Variants in WWOX observed in about 807,000 individuals in gnomAD.
WWOX encodes the protein WW domain-containing oxidoreductase.
Under a neutral mutation model 46.2 loss-of-function variants are expected in WWOX, and 69 were observed. The observed-to-expected ratio is 1.49, with a 90% CI of 1.23 to 1.82. The LOEUF (loss-of-function observed/expected upper bound fraction) is 1.82, where lower values mean the gene tolerates loss of function less well. Among genes scored for constraint, WWOX ranks in the 40% most tolerant of loss-of-function variants. WWOX has a pLI of 0.00. For synonymous variants in WWOX, 359 were observed against 202.6 expected, an observed-to-expected ratio of 1.77 and a Z score of -6.56; for missense variants, 919 against 542.6, an observed-to-expected ratio of 1.69 and a Z score of -6.89.
At chr16:78,419,704 A>G (rs147535071) in intron 6 of WWOX, among the ~76,000 whole-genome samples, 5 of 151,568 alleles carry the variant, frequency 3.3e-5, no homozygotes, top group African/African-American at 9.7e-5. Context: ...AGAAGCAAAC[A>G]TAGGGGTATA....
rs547446021 is a variant in WWOX at position 79,168,951 on chromosome 16, G to T, written c.1057-42657G>T. Among the ~76,000 whole-genome samples, 6 of 152,268 alleles carry T rather than the reference G, an allele frequency of 3.9e-5. No individual in the cohort carries two copies. In the South Asian group the frequency reaches 1.2e-3, roughly 32 times the overall value. On this transcript the variant is annotated intron_variant, in intron 8 of 8. Transcript: ENST00000566780. ...TTCCTTATACAAACTATCTCACTTT[G>T]AAAACTGGCCCACTGTAAAAATCTT...
intron 8 of WWOX, among the ~76,000 whole-genome samples, chr16:78,948,327 C>G (rs1335992655): frequency 2.0e-5 from 3 of 152,160 alleles, no homozygotes; most frequent in Non-Finnish European, 4.4e-5. Context: ...TCTTGTCTCC[C>G]TTTTAGAAGT....
intron 4 of WWOX, among the ~76,000 whole-genome samples, chr16:78,147,336 A>G (rs1337228575): frequency 2.6e-5 from 4 of 152,064 alleles, no homozygotes; most frequent in Non-Finnish European, 5.9e-5. Context: ...GAGTTGGAGG[A>G]GTCATTGATT....
chr16:79,036,928 G>A (rs886403008), intron 8 of WWOX, among the ~76,000 whole-genome samples: 9 of 152,176 alleles, frequency 5.9e-5, no homozygotes, highest in East Asian at 1.9e-4. Flanking sequence ...CTGAAGATAC[G>A]TATTTCTCAG....
chr16:78,361,591 C>A (rs1282044129), intron 5 of WWOX, among the ~76,000 whole-genome samples: 2 of 151,872 alleles, frequency 1.3e-5, no homozygotes, highest in East Asian at 1.9e-4. Context: ...AAGAGCTATC[C>A]CTTCTCCCCC....
chr16:78,324,667 A>G (rs1025396940), intron 5 of WWOX, among the ~76,000 whole-genome samples: 25 of 152,050 alleles, frequency 1.6e-4, no homozygotes, highest in African/African-American at 6.0e-4. Flanking sequence ...ACATGAGGCT[A>G]AGTGAAAGAA....
intron 7 of WWOX, 53 bp from the exon 8 acceptor site, chr16:78,432,435 C>T (rs540040008): frequency 6.2e-6 from 10 of 1,603,504 alleles, no homozygotes; most frequent in Non-Finnish European, 8.5e-6. Flanking sequence ...AAATAAAAAG[C>T]TGTGTGGGAA....
chr16:78,576,523 G>A, intron 8 of WWOX, among the ~76,000 whole-genome samples: 1 of 152,140 alleles, frequency 6.6e-6, no homozygotes, highest in East Asian at 1.9e-4. Context: ...GCACAACCAT[G>A]AAAGCAGTGA....
At chr16:78,199,262 C>T (rs1440566919) in intron 5 of WWOX, among the ~76,000 whole-genome samples, 1 of 151,908 alleles carries the variant, frequency 6.6e-6, no homozygotes, top group Non-Finnish European at 1.5e-5. Context: ...GCAGTGAGCC[C>T]AGATCGCACC....
In WWOX at chr16:78,327,941, A is replaced by G. The variant is rs191224692; in HGVS notation, c.517-58919A>G. Among the ~76,000 whole-genome samples, 42 of 138,060 alleles carry G rather than the reference A, an allele frequency of 3.0e-4. 1 individual carries two copies. The highest frequency in any genetic ancestry group is 7.2e-4 in the African/African-American group (26 of 35,954). 90.6% of individuals were successfully genotyped at this position (138,060 alleles called of 152,430 possible). ...GCCCAGGCTGGAGTACAGTTGTACAATCTTGGCTCATGGCAACCTCAAACT... is the reference window on the plus strand; with the variant it reads ...GCCCAGGCTGGAGTACAGTTGTACAGTCTTGGCTCATGGCAACCTCAAACT... On this transcript the variant is annotated intron_variant, in intron 5 of 8. Transcript: ENST00000566780.
chr16:78,555,334 C>A lies in WWOX; in HGVS notation c.1056+122582C>A, dbSNP rs920188813. 4.9e-4 allele frequency among the ~76,000 whole-genome samples: 75 copies of A among 152,206 alleles called. 1 individual carries two copies. The highest frequency in any genetic ancestry group is 1.8e-3 in the African/African-American group (73 of 41,506). ...CTTTTTTATTCTAATACTCACATTT[C>A]CCAAAACATATCCTTAATATTGTAC... On this transcript the variant is annotated intron_variant, in intron 8 of 8. Transcript: ENST00000566780.
intron 8 of WWOX, among the ~76,000 whole-genome samples, chr16:78,476,993 G>C (rs2151441039): frequency 6.6e-6 from 1 of 151,632 alleles, no homozygotes; most frequent in South Asian, 2.1e-4. Context: ...AATACGATGG[G>C]ATTGTGTCTG....
intron 8 of WWOX, among the ~76,000 whole-genome samples, chr16:78,926,641 T>C (rs2045505099): frequency 6.6e-6 from 1 of 152,160 alleles, no homozygotes; most frequent in African/African-American, 2.4e-5. Context: ...GTGCTGATCT[T>C]TGGGCAGCAT....
At chr16:78,239,566 G>A (rs563281527) in intron 5 of WWOX, among the ~76,000 whole-genome samples, 21 of 152,090 alleles carry the variant, frequency 1.4e-4, no homozygotes, top group Middle Eastern at 3.4e-3. Flanking sequence ...ACAGGGTCTC[G>A]CTTTGTCATA....
At chr16:78,439,544 T>C (rs938295640) in intron 8 of WWOX, among the ~76,000 whole-genome samples, 1 of 152,222 alleles carries the variant, frequency 6.6e-6, no homozygotes, top group African/African-American at 2.4e-5. Context: ...GACCAATGGA[T>C]GTAAGTAAGT....
intron 8 of WWOX, among the ~76,000 whole-genome samples, chr16:78,811,887 A>G (rs73577413): frequency 0.11 from 16,593 of 152,232 alleles, 1,028 homozygotes; most frequent in African/African-American, 0.17. Context: ...CTCTCTTCTT[A>G]CTGAGTCATG....
At chr16:79,049,454 C>G (rs931846592) in intron 8 of WWOX, among the ~76,000 whole-genome samples, 2 of 152,154 alleles carry the variant, frequency 1.3e-5, no homozygotes, top group Non-Finnish European at 2.9e-5. Context: ...GTACAGCTGT[C>G]ACCCATTTGC....
chr16:79,084,377 G>A (rs993686936), intron 8 of WWOX, among the ~76,000 whole-genome samples: 4 of 152,216 alleles, frequency 2.6e-5, no homozygotes, highest in East Asian at 3.9e-4. Flanking sequence ...AATAAATAAT[G>A]TAAAATATAA....
chr16:79,036,384 A>G (rs1312105988), intron 8 of WWOX, among the ~76,000 whole-genome samples: 1 of 152,224 alleles, frequency 6.6e-6, no homozygotes, highest in Non-Finnish European at 1.5e-5. Context: ...TTGTAATTTA[A>G]GTCCCATTCT....
Sources: gnomAD v4.1 joint callset for allele counts (sites outside exome capture counted in the v4.1 genomes callset) on GRCh38, gnomAD v4.1.1 for gene constraint, MANE v1.5 for transcripts, NCBI Gene and HGNC (gene_info 2026-07-23, HGNC 2026-07-21) for gene names.